Variants in CEP83 observed in about 807,000 individuals in gnomAD.
The protein encoded by CEP83 is centrosomal protein of 83 kDa.
A neutral mutation model predicts 101.9 loss-of-function variants in CEP83; 70 were observed. The observed-to-expected ratio is 0.69, with a 90% CI of 0.57 to 0.84. CEP83 has a LOEUF of 0.84. CEP83 is among the 40% of genes least tolerant of loss of function. The pLI, the probability that CEP83 is intolerant of heterozygous loss-of-function variation, is 0.00. For synonymous variants in CEP83, 264 were observed against 267.9 expected, an observed-to-expected ratio of 0.99 and a Z score of 0.14; for missense variants, 715 against 787.2, an observed-to-expected ratio of 0.91 and a Z score of 1.10.
chr12:94,433,901 A>C (rs1385361427), intron 2 of CEP83: 1 of 152,246 alleles, frequency 6.6e-6, no homozygotes, highest in East Asian at 1.9e-4. Flanking sequence ...TACTTCAAGC[A>C]CTAATCCTAC....
intron 9 of CEP83, 144 bp from the exon 10 acceptor site, chr12:94,368,345 C>T: frequency 1.7e-6 from 1 of 603,772 alleles, no homozygotes; most frequent in East Asian, 2.9e-5. Context: ...ATACTCACAT[C>T]ATTAATAAAC....
At chr12:94,401,536 T>C (rs1160555847) in intron 5 of CEP83, among the ~76,000 whole-genome samples, 4 of 152,146 alleles carry the variant, frequency 2.6e-5, no homozygotes, top group Non-Finnish European at 5.9e-5. Flanking sequence ...TCATCCTGCT[T>C]CCTAACAGTA....
At chr12:94,299,610 A>G in the CEP83 span, among the ~76,000 whole-genome samples, 2 of 152,126 alleles carry the variant, frequency 1.3e-5, no homozygotes, top group African/African-American at 2.4e-5. Context: ...CCCAGGCTGC[A>G]GTGCAGTGGT....
At chr12:94,302,067 ACTGT>A (rs1968521655), downstream of CEP83, among the ~76,000 whole-genome samples, 3 of 151,888 alleles carry the variant, frequency 2.0e-5, no homozygotes, top group South Asian at 6.2e-4. Flanking sequence ...TTTCCTTTTC[ACTGT>A]CTCTCAGGTA....
intron 2 of CEP83, among the ~76,000 whole-genome samples, chr12:94,432,304 C>T (rs138822951): frequency 3.5e-4 from 53 of 152,110 alleles, no homozygotes; most frequent in East Asian, 7.7e-4. Flanking sequence ...CCTCGTGATC[C>T]GCCCACCTCG....
chr12:94,369,854 T>C, intron 9 of CEP83, 68 bp downstream of exon 9: 3 of 831,588 alleles, frequency 3.6e-6, no homozygotes, highest in Non-Finnish European at 5.9e-6. Context: ...GATTCAACTA[T>C]TTTAATAATT....
the CEP83 span, among the ~76,000 whole-genome samples, chr12:94,295,874 CCT>C: frequency 1.3e-5 from 2 of 152,178 alleles, no homozygotes; most frequent in Non-Finnish European, 2.9e-5. Context: ...ACACAGCTCT[CCT>C]CTCAGCAGAT....
chr12:94,355,327 A>G (rs756491186), intron 11 of CEP83, among the ~76,000 whole-genome samples: 3 of 152,030 alleles, frequency 2.0e-5, no homozygotes, highest in Admixed American at 6.6e-5. Context: ...CCCCATCTCT[A>G]CTAAAAATAC....
At chr12:94,305,206 G>A (rs766577937), downstream of CEP83, 8 of 1,609,220 alleles carry the variant, frequency 5.0e-6, no homozygotes, top group East Asian at 2.2e-5. Context: ...GAAAGAGAAC[G>A]AGGGCTGGAA....
At chr12:94,297,498 A>G in the CEP83 span, 174 of 1,031,722 alleles carry the variant, frequency 1.7e-4, no homozygotes, top group East Asian at 4.1e-3. Context: ...TTTCCACTGA[A>G]GTGTGAAAAT....
chr12:94,459,449 A>G (rs935031522), intron 1 of CEP83, 108 bp downstream of exon 1: 1 of 152,178 alleles, frequency 6.6e-6, no homozygotes, highest in African/African-American at 2.4e-5. Flanking sequence ...AGCTTCCACT[A>G]CTTTAACAGG....
intron 6 of CEP83, among the ~76,000 whole-genome samples, chr12:94,397,341 A>C (rs971206439): frequency 5.3e-5 from 8 of 152,124 alleles, no homozygotes; most frequent in Admixed American, 5.2e-4. Flanking sequence ...TCTACTAAAA[A>C]TACAATAATT....
chr12:94,287,139 T>C, the CEP83 span, among the ~76,000 whole-genome samples: 11 of 152,358 alleles, frequency 7.2e-5, no homozygotes, highest in Admixed American at 5.2e-4. Flanking sequence ...CCATTTTCCA[T>C]CTGATGAACA....
the CEP83 span, among the ~76,000 whole-genome samples, chr12:94,297,934 T>A: frequency 6.6e-6 from 1 of 152,234 alleles, no homozygotes; most frequent in East Asian, 1.9e-4. Flanking sequence ...TTTTACTTTA[T>A]CTGGCTTTTA....
chr12:94,309,268 G>A (rs933045495), intron 16 of CEP83, among the ~76,000 whole-genome samples: 1 of 152,164 alleles, frequency 6.6e-6, no homozygotes, highest in Non-Finnish European at 1.5e-5. Context: ...CTTGGCCTGA[G>A]ATTCAATTCA....
At chr12:94,361,081 T>C (rs571245033) in intron 11 of CEP83, 16 of 152,248 alleles carry the variant, frequency 1.1e-4, no homozygotes, top group African/African-American at 3.9e-4. Context: ...GATCCATCTC[T>C]CATCATATAT....
chr12:94,423,863 T>C (rs2064977362), intron 2 of CEP83: 3 of 1,612,714 alleles, frequency 1.9e-6, no homozygotes, highest in Middle Eastern at 1.7e-4. Flanking sequence ...AGGGGTGTAC[T>C]GGGAGATGTA....
chr12:94,386,031 C>A (rs1165840975), intron 6 of CEP83, among the ~76,000 whole-genome samples: 1 of 152,060 alleles, frequency 6.6e-6, no homozygotes, highest in Non-Finnish European at 1.5e-5. Flanking sequence ...CATCTAGGTG[C>A]ATATATGTAT....
intron 6 of CEP83, among the ~76,000 whole-genome samples, chr12:94,379,381 CA>C (rs1218430908): frequency 6.6e-6 from 1 of 152,024 alleles, no homozygotes; most frequent in Non-Finnish European, 1.5e-5. Context: ...GGTTCATGAC[CA>C]AAACTCTGAC....
Sources: allele counts gnomAD v4.1 joint callset (sites outside exome capture counted in the v4.1 genomes callset), GRCh38; gene constraint gnomAD v4.1.1; transcripts MANE v1.5; gene names NCBI Gene and HGNC (gene_info 2026-07-23, HGNC 2026-07-21).